Variants in XIRP2 observed in about 807,000 individuals in gnomAD.
The protein encoded by XIRP2 is xin actin-binding repeat-containing protein 2.
Under a neutral mutation model 277.0 loss-of-function variants are expected in XIRP2, and 236 were observed. That is an observed-to-expected ratio of 0.85 (90% confidence interval 0.77 to 0.95). The LOEUF is 0.95. Among genes scored for constraint, XIRP2 ranks in the 40% least tolerant of loss-of-function variants. The pLI, the probability that XIRP2 is intolerant of heterozygous loss-of-function variation, is 0.00. For synonymous variants in XIRP2, 1,490 were observed against 1,416.5 expected, an observed-to-expected ratio of 1.05 and a Z score of -1.17; for missense variants, 4,640 against 4,157.5, an observed-to-expected ratio of 1.12 and a Z score of -3.19.
intron 5 of XIRP2, among the ~76,000 whole-genome samples, chr2:167,230,114 CA>C (rs1241418550): frequency 1.3e-5 from 2 of 152,100 alleles, no homozygotes; most frequent in Non-Finnish European, 2.9e-5. Flanking sequence ...GGGTGAATAT[CA>C]GTGCCCTCTA....
rs200253846 is a variant in XIRP2, at chr2:167,246,284, G to A, written c.4892G>A (p.Gly1631Glu). 1.9e-4 allele frequency: 307 copies of A among 1,613,218 alleles called. No individual in the cohort carries two copies. Among genetic ancestry groups the A allele is most frequent in the Non-Finnish European group, 2.4e-4 (280 of 1,179,656 alleles). ...REILISEEEK[G>E]NVNLTKTQLL... ...ATTTTGATTAGTGAAGAAGAGAAGG[G>A]AAATGTTAATTTGACTAAAACTCAA... The change falls in exon 9 of 11, where the codon GGA (glycine) becomes GAA (glutamate). Residue 1631 changes from glycine to glutamate, a missense_variant. Gly to Glu is a moderately conservative substitution (Grantham distance 98, BLOSUM62 -2). Transcript: ENST00000409195.
At position 166,965,766 on chromosome 2, in the gene XIRP2, AGAG is replaced by A. The variant is rs1479566006; in HGVS notation, c.408+61877_408+61879del. On this transcript the variant is annotated intron_variant, in intron 2 of 10. Transcript: ENST00000409195. ...GCCAGGCTAATCTTTTATTATTTAT[AGAG>A]ACAAAGTCTCCCTATCTTGCTAAGG... 5.3e-5 allele frequency among the ~76,000 whole-genome samples: 8 copies of A among 151,786 alleles called. No individual in the cohort carries two copies. In the East Asian group the frequency reaches 1.6e-3, roughly 30 times the overall value.
At chr2:167,220,769 C>G (rs1243937855) in intron 5 of XIRP2, among the ~76,000 whole-genome samples, 1 of 152,142 alleles carries the variant, frequency 6.6e-6, no homozygotes, top group East Asian at 1.9e-4. Context: ...CCTTGTTTCC[C>G]TAAATGGAAG....
intron 10 of XIRP2, 86 bp from the exon 11 acceptor site, chr2:167,257,771 T>A: frequency 7.3e-7 from 1 of 1,376,408 alleles, no homozygotes; most frequent in Non-Finnish European, 9.8e-7. Context: ...TTTACTAGTC[T>A]GTAACTCATT....
intron 3 of XIRP2, among the ~76,000 whole-genome samples, chr2:167,179,911 G>A (rs545772400): frequency 6.6e-6 from 1 of 152,136 alleles, no homozygotes; most frequent in South Asian, 2.1e-4. Context: ...CACACCCAAA[G>A]TACTGGATTA....
At chr2:167,021,460 T>C (rs891846086) in intron 2 of XIRP2, among the ~76,000 whole-genome samples, 1 of 152,156 alleles carries the variant, frequency 6.6e-6, no homozygotes, top group African/African-American at 2.4e-5. Flanking sequence ...TATTGAACTT[T>C]TATTAAAGCT....
At chr2:167,112,498 T>C (rs1690783607) in intron 2 of XIRP2, among the ~76,000 whole-genome samples, 1 of 149,912 alleles carries the variant, frequency 6.7e-6, no homozygotes, top group African/African-American at 2.4e-5. Context: ...TTTATTAATA[T>C]TTATTTTTCT....
intron 3 of XIRP2, among the ~76,000 whole-genome samples, chr2:167,140,519 C>T (rs1171586977): frequency 6.6e-6 from 1 of 152,134 alleles, no homozygotes; most frequent in South Asian, 2.1e-4. Flanking sequence ...CTGAACTGTC[C>T]CCTCTAACGA....
chr2:166,963,954 G>C (rs1686362621), intron 2 of XIRP2, among the ~76,000 whole-genome samples: 1 of 151,754 alleles, frequency 6.6e-6, no homozygotes, highest in South Asian at 2.1e-4. Context: ...GACATGGTGT[G>C]TTCTAAAGTT....
At chr2:167,096,875 T>C (rs1456484865) in intron 2 of XIRP2, among the ~76,000 whole-genome samples, 1 of 152,180 alleles carries the variant, frequency 6.6e-6, no homozygotes, top group East Asian at 1.9e-4. Flanking sequence ...TTCTTAACCT[T>C]GAGTTCTCAT....
chr2:166,938,258 T>C (rs1256516651), intron 2 of XIRP2, among the ~76,000 whole-genome samples: 1 of 152,196 alleles, frequency 6.6e-6, no homozygotes, highest in Non-Finnish European at 1.5e-5. Flanking sequence ...CTCTACACAC[T>C]GCTTTATCTG....
chr2:167,095,653 A>G (rs989717617), intron 2 of XIRP2, among the ~76,000 whole-genome samples: 2 of 152,090 alleles, frequency 1.3e-5, no homozygotes, highest in Non-Finnish European at 2.9e-5. Context: ...CTTGCATCCC[A>G]TGGATGAAGC....
rs574238246 is a variant in XIRP2, at chr2:167,041,561, C to T, written c.409-94348C>T. Among the ~76,000 whole-genome samples, 10 of 152,174 alleles carry T rather than the reference C, an allele frequency of 6.6e-5. No homozygotes were observed. In the East Asian group the frequency reaches 1.9e-3, roughly 29 times the overall value. ...TATTAACAGCATAGAATAGACCAGG[C>T]TGAAGAAAGAACCTCAGAGCTTAAA... is the stretch of plus-strand genomic sequence containing the variant. On this transcript the variant is annotated intron_variant, in intron 2 of 10. Coordinates refer to ENST00000409195, the MANE Select transcript of XIRP2 (RefSeq NM_152381.6).
chr2:167,234,339 G>T (rs1329828435), intron 5 of XIRP2, among the ~76,000 whole-genome samples: 1 of 150,772 alleles, frequency 6.6e-6, no homozygotes, highest in Non-Finnish European at 1.5e-5. Flanking sequence ...TATATATTTG[G>T]CATTCTTGTT....
At chr2:167,202,154 C>A (rs1411157155) in intron 3 of XIRP2, among the ~76,000 whole-genome samples, 2 of 119,520 alleles carry the variant, frequency 1.7e-5, no homozygotes, top group Admixed American at 7.4e-5. Context: ...AATATGCACA[C>A]TCTACAGGCA....
intron 2 of XIRP2, among the ~76,000 whole-genome samples, chr2:167,011,258 T>G (rs1025766311): frequency 1.3e-5 from 2 of 151,698 alleles, no homozygotes; most frequent in Non-Finnish European, 2.9e-5. Flanking sequence ...CAATACCTAT[T>G]TTATTGAGAG....
At chr2:166,936,984 A>ATCTATAAAT (rs1178047118) in intron 2 of XIRP2, among the ~76,000 whole-genome samples, 1 of 152,190 alleles carries the variant, frequency 6.6e-6, no homozygotes, top group Non-Finnish European at 1.5e-5. Flanking sequence ...ATGGCATTAA[A>ATCTATAAAT]TCTATAAATT....
intron 4 of XIRP2, among the ~76,000 whole-genome samples, chr2:167,211,278 G>T (rs1430935337): frequency 6.6e-6 from 1 of 151,878 alleles, no homozygotes; most frequent in African/African-American, 2.4e-5. Context: ...TGTATTTTTA[G>T]TAGAGACAGG....
At chr2:166,968,926 C>G (rs181034648) in intron 2 of XIRP2, among the ~76,000 whole-genome samples, 102 of 151,984 alleles carry the variant, frequency 6.7e-4, no homozygotes, top group African/African-American at 2.3e-3. Context: ...ATACCATGTT[C>G]TTATTTCCAA....
Sources: gnomAD v4.1 joint callset for allele counts (sites outside exome capture counted in the v4.1 genomes callset) on GRCh38, gnomAD v4.1.1 for gene constraint, MANE v1.5 for transcripts, NCBI Gene and HGNC (gene_info 2026-07-23, HGNC 2026-07-21) for gene names.